TKTL1: variants seen among roughly 807,000 people sequenced by gnomAD.
TKTL1 encodes transketolase-like protein 1.
In TKTL1, 1 loss-of-function variant was observed where a neutral mutation model predicts 39.3. That is an observed-to-expected ratio of 0.03 (90% CI 0.01 to 0.12). The LOEUF (loss-of-function observed/expected upper bound fraction) is 0.12. Ranked by LOEUF, TKTL1 falls within the 10% of genes least tolerant of loss-of-function variation. The pLI is 1.00. For missense variants in TKTL1, 575 were observed against 509.6 expected (o/e 1.13, Z -1.24); for synonymous variants, 262 against 193.8 (o/e 1.35, Z -2.92).
chrX:154,316,499 C>T (rs908190524), intron 7 of TKTL1, among the ~76,000 whole-genome samples: 3 of 111,682 alleles, frequency 2.7e-5, no homozygotes, highest in Non-Finnish European at 5.7e-5. Context: ...AGGACTTAAA[C>T]GCTGCAATGT....
chrX:154,330,027 A>G lies in TKTL1; in HGVS notation c.*339A>G, dbSNP rs990563578. ...TTCTTCCGAAGTGTTTCCTTCGTGA[A>G]TAACTGGTAGAGGTAATAGTTTTTT... On this transcript the variant is annotated 3_prime_UTR_variant, in exon 13 of 13. Coordinates refer to ENST00000369915, the MANE Select transcript of TKTL1 (RefSeq NM_012253.4). The G allele has an allele frequency of 5.8e-6, 1 of 173,257 alleles. No homozygotes were observed. Among genetic ancestry groups the G allele is most frequent in the East Asian group, 1.3e-4 (1 of 7,663 alleles). The allele number at this position is 173,257 out of a possible 1,213,427, so 14.3% of individuals were successfully genotyped here. A position where few individuals can be genotyped will look rare whatever the true frequency, so the allele number is the denominator to read the frequency against.
chrX:154,296,282 T>C (rs1291271389), intron 1 of TKTL1, among the ~76,000 whole-genome samples: 1 of 110,944 alleles, frequency 9.0e-6, no homozygotes. Flanking sequence ...AGATCTCCAG[T>C]TGGGAGACAA....
In TKTL1 at chrX:154,312,563, T is replaced by C. The variant is rs376326194; in HGVS notation, c.671-17T>C. 19 of 1,195,687 alleles carry C rather than the reference T, an allele frequency of 1.6e-5. No individual in the cohort carries two copies. Among genetic ancestry groups the C allele is most frequent in the Non-Finnish European group, 2.0e-5 (18 of 886,983 alleles). On this transcript the variant is annotated splice_polypyrimidine_tract_variant and intron_variant, in intron 5 of 12. Coordinates refer to ENST00000369915, the MANE Select transcript of TKTL1 (RefSeq NM_012253.4). Reference sequence around the variant, plus strand: ...AAATATTTATGGAATGGATGTCTTTTGTTTGTTTCATTACAGGTATTGAGG... The same window carrying C: ...AAATATTTATGGAATGGATGTCTTTCGTTTGTTTCATTACAGGTATTGAGG...
At chrX:154,310,715 G>A (rs1215777090) in intron 3 of TKTL1, 121 bp from the exon 4 acceptor site, 2 of 592,658 alleles carry the variant, frequency 3.4e-6, no homozygotes, top group East Asian at 6.7e-5. Flanking sequence ...GGGAGATTGT[G>A]GGAAGCGAAT....
rs73640845 is a variant in TKTL1, at chrX:154,305,168, C to G, written c.135-136C>G. ...AAAGCGCCCTTCCAACCTGTGAGCC[C>G]TGCATTCCTTACCCTTGGTTGGATT... On this transcript the variant is annotated intron_variant, in intron 1 of 12. Transcript: ENST00000369915. The G allele has an allele frequency of 4.4e-4, 515 of 1,177,971 alleles. 2 individuals are homozygous for G. The African/African-American group carries it at 8.0e-3, about 18-fold the overall frequency.
Position 154,317,222 on chromosome X carries a change from G to A in TKTL1, c.1029+1885G>A, listed in dbSNP as rs913101329. 2.9e-4 allele frequency among the ~76,000 whole-genome samples: 33 copies of A among 112,137 alleles called. 1 individual carries two copies. The highest frequency in any genetic ancestry group is 1.0e-3 in the African/African-American group (32 of 30,862). ...TCCCTGCTGATATGTTCTCACAGTT[G>A]GAAAAAAGTTGTAAAGAAAAGGCGA... On this transcript the variant is annotated intron_variant, in intron 7 of 12. Coordinates refer to ENST00000369915, the MANE Select transcript of TKTL1 (RefSeq NM_012253.4).
At chrX:154,326,417 T>C (rs2067494131) in intron 10 of TKTL1, among the ~76,000 whole-genome samples, 1 of 112,640 alleles carries the variant, frequency 8.9e-6, no homozygotes, top group Non-Finnish European at 1.9e-5. Flanking sequence ...ATGTATATTT[T>C]ACACAGTTGA....
chrX:154,315,445 G>A, intron 7 of TKTL1, 108 bp downstream of exon 7: 3 of 900,272 alleles, frequency 3.3e-6, no homozygotes, highest in Non-Finnish European at 1.5e-6. Flanking sequence ...AAAAGGACTG[G>A]AAAAAAATTT....
intron 10 of TKTL1, 124 bp downstream of exon 10, chrX:154,325,546 A>G (rs974765495): frequency 7.9e-6 from 5 of 630,683 alleles, no homozygotes; most frequent in Non-Finnish European, 1.2e-5. Flanking sequence ...TTTTTTTAAA[A>G]AACAGTTGTG....
chrX:154,315,363 T>A, intron 7 of TKTL1, 26 bp downstream of exon 7: 2 of 1,173,841 alleles, frequency 1.7e-6, no homozygotes, highest in Non-Finnish European at 2.3e-6. Context: ...CTCTCAGGGC[T>A]TCTTAGAATC....
At chrX:154,318,084 G>T (rs781892848) in intron 7 of TKTL1, among the ~76,000 whole-genome samples, 137 of 110,370 alleles carry the variant, frequency 1.2e-3, no homozygotes, top group African/African-American at 4.3e-3. Context: ...TTTATTTTTT[G>T]TAGAGATGGA....
chrX:154,325,344 G>A lies in TKTL1; in HGVS notation c.1323G>A (p.Met441Ile), dbSNP rs1196550783. The A allele has an allele frequency of 8.3e-7, 1 of 1,209,146 alleles. No homozygotes were observed. The highest frequency in any genetic ancestry group is 1.1e-6 in the Non-Finnish European group (1 of 893,980). ...TGGCTCCATTTATGCCCTAGGGGAT[G>A]TGCTTCATTCGGACCACCCGACCAG... is the stretch of plus-strand genomic sequence containing the variant. ...AVALAANAKG[M>I]CFIRTTRPET... The change falls in exon 10 of 13, where the codon ATG (methionine) becomes ATA (isoleucine). Residue 441 changes from methionine to isoleucine, a missense_variant. Met to Ile is a conservative substitution (Grantham distance 10). Transcript: ENST00000369915.
At chrX:154,301,352 A>C (rs1255508834) in intron 1 of TKTL1, among the ~76,000 whole-genome samples, 2 of 109,909 alleles carry the variant, frequency 1.8e-5, no homozygotes, top group Admixed American at 9.7e-5. Context: ...CCCTGTCTCT[A>C]CTAAAAATGC....
intron 1 of TKTL1, among the ~76,000 whole-genome samples, chrX:154,303,428 A>G (rs782754688): frequency 1.4e-5 from 1 of 71,118 alleles, no homozygotes; most frequent in African/African-American, 6.1e-5. Flanking sequence ...ACGAGGTTTC[A>G]CCATGTTGCC....
intron 9 of TKTL1, among the ~76,000 whole-genome samples, chrX:154,323,918 G>A (rs182989333): frequency 9.0e-4 from 102 of 112,804 alleles, no homozygotes; most frequent in African/African-American, 3.0e-3. Context: ...AGACGAGGCA[G>A]TGTGGTCTTG....
chrX:154,295,870 C>T lies in TKTL1; in HGVS notation c.11C>T (p.Ala4Val), dbSNP rs782070940. 5 of 1,209,533 alleles carry T rather than the reference C, an allele frequency of 4.1e-6. No individual in the cohort carries two copies. The highest frequency in any genetic ancestry group is 1.7e-5 in the African/African-American group (1 of 57,243). MAD[A>V]EARAEFPEEA... Reference sequence around the variant, plus strand: ...AAAGGGGTTGGACTAATGGCGGATGCTGAGGCGAGGGCTGAGTTCCCGGAG... The same window carrying T: ...AAAGGGGTTGGACTAATGGCGGATGTTGAGGCGAGGGCTGAGTTCCCGGAG... The change falls in exon 1 of 13, where the codon GCT becomes GTT. Residue 4 changes from alanine (A) to valine (V), a missense_variant. Coordinates refer to ENST00000369915, the MANE Select transcript of TKTL1 (RefSeq NM_012253.4).
intron 2 of TKTL1, among the ~76,000 whole-genome samples, chrX:154,308,029 A>G (rs1187850821): frequency 3.6e-5 from 4 of 111,805 alleles, no homozygotes; most frequent in African/African-American, 9.7e-5. Context: ...CCATCCATCT[A>G]CAGTAGTGAT....
intron 8 of TKTL1, among the ~76,000 whole-genome samples, chrX:154,322,179 G>A (rs2067456241): frequency 1.0e-5 from 1 of 96,881 alleles, no homozygotes; most frequent in African/African-American, 3.9e-5. Context: ...GCTGCAGTGA[G>A]CCAAGATCAC....
chrX:154,317,073 T>C (rs782603116), intron 7 of TKTL1, among the ~76,000 whole-genome samples: 1 of 111,376 alleles, frequency 9.0e-6, no homozygotes, highest in Non-Finnish European at 1.9e-5. Flanking sequence ...CCTGGCTCAT[T>C]AAGCTGTTTT....
Sources: allele counts gnomAD v4.1 joint callset (sites outside exome capture counted in the v4.1 genomes callset), GRCh38; gene constraint gnomAD v4.1.1; transcripts MANE v1.5; gene names NCBI Gene and HGNC (gene_info 2026-07-23, HGNC 2026-07-21).